COL4A3: variants seen among roughly 807,000 people sequenced by gnomAD.
The protein encoded by COL4A3 is collagen alpha-3(IV) chain.
Under a neutral mutation model 217.4 loss-of-function variants are expected in COL4A3, and 135 were observed. The ratio of observed to expected loss-of-function variants is 0.62; its 90% confidence interval spans 0.54 to 0.72. The LOEUF is 0.72. Among genes scored for constraint, COL4A3 ranks in the 30% least tolerant of loss-of-function variants. The pLI, the probability that COL4A3 is intolerant of heterozygous loss-of-function variation, is 0.00. For synonymous variants in COL4A3, 690 were observed against 736.3 expected, an observed-to-expected ratio of 0.94 and a Z score of 1.02; for missense variants, 1,868 against 2,119.9, an observed-to-expected ratio of 0.88 and a Z score of 2.33.
chr2:227,302,655 G>C (rs77268066), intron 43 of COL4A3, among the ~76,000 whole-genome samples: 6,184 of 113,510 alleles, frequency 0.054, 241 homozygotes, highest in African/African-American at 0.099. Flanking sequence ...CCAGTCTGGA[G>C]GACAAAACGA....
chr2:227,192,747 G>C (rs2066293786), intron 1 of COL4A3, among the ~76,000 whole-genome samples: 1 of 152,202 alleles, frequency 6.6e-6, no homozygotes, highest in Non-Finnish European at 1.5e-5. Flanking sequence ...TGGGGAGTGA[G>C]TGTGAATCAT....
At chr2:227,267,678 C>T (rs2070988222) in intron 23 of COL4A3, among the ~76,000 whole-genome samples, 1 of 151,976 alleles carries the variant, frequency 6.6e-6, no homozygotes, top group Non-Finnish European at 1.5e-5. Flanking sequence ...CATGTCAGGC[C>T]CTGCATTAAT....
Position 227,250,562 on chromosome 2 carries a change from G to C in COL4A3, c.547-578G>C, listed in dbSNP as rs997119756. On this transcript the variant is annotated intron_variant, in intron 9 of 51. Transcript: ENST00000396578. The surrounding 1 kb of genome is among the most constrained non-coding windows in gnomAD (Gnocchi z 4.1). ...CCTTCATAGAGCTTACATTCTCATG[G>C]GGGAAACAAAAGCGTGTAAATGAGT... Among the ~76,000 whole-genome samples, 2 of 151,964 alleles carry C rather than the reference G, an allele frequency of 1.3e-5. No homozygotes were observed. Among genetic ancestry groups the C allele is most frequent in the African/African-American group, 2.4e-5 (1 of 41,374 alleles).
In COL4A3 at chr2:227,254,178, G is replaced by C; in HGVS notation, c.828+4G>C. On this transcript the variant is annotated splice_donor_region_variant and intron_variant, in intron 14 of 51. Transcript: ENST00000396578. ...GCCTGGACCTCCTGGACCCTCAGTA[G>C]GTTATTTAAAGTTATATTGTCCCCA... 2 of 1,613,240 alleles carry C rather than the reference G, an allele frequency of 1.2e-6. No homozygotes were observed. The highest frequency in any genetic ancestry group is 1.7e-6 in the Non-Finnish European group (2 of 1,179,340).
chr2:227,270,658 G>A (rs2071179527), intron 24 of COL4A3, 112 bp from the exon 25 acceptor site: 1 of 1,052,302 alleles, frequency 9.5e-7, no homozygotes, highest in South Asian at 1.4e-5. Flanking sequence ...CAAAGAGTGT[G>A]TTGAAAAAAT....
chr2:227,294,069 T>C (rs2072909084), intron 38 of COL4A3: 1 of 288,042 alleles, frequency 3.5e-6, no homozygotes, highest in Non-Finnish European at 6.7e-6. Flanking sequence ...ATTTCTGGAT[T>C]GAATTTTGGC....
chr2:227,254,154 C>A lies in COL4A3; in HGVS notation c.808C>A (p.Pro270Thr), dbSNP rs1428766417. 9 of 1,613,698 alleles carry A rather than the reference C, an allele frequency of 5.6e-6. No individual in the cohort carries two copies. Among genetic ancestry groups the A allele is most frequent in the African/African-American group, 1.3e-5 (1 of 74,878 alleles). Residue 270 changes from proline to threonine, a missense_variant, in exon 14 of 52, where the codon CCT (proline) becomes ACT (threonine). Physicochemically the swap from Pro to Thr is conservative, Grantham distance 38. Transcript: ENST00000396578. ...EKGDKGAMGE[P>T]GPPGPSGLPG... ...GGGAGACAAGGGAGCAATGGGCGAG[C>A]CTGGACCTCCTGGACCCTCAGTAGG...
At chr2:227,294,333 C>A in intron 38 of COL4A3, 157 bp from the exon 39 acceptor site, 1 of 709,424 alleles carries the variant, frequency 1.4e-6, no homozygotes, top group Non-Finnish European at 2.6e-6. Flanking sequence ...AGGAAAATTG[C>A]AGCCTGGACA....
At chr2:227,265,006 TC>T (rs1355012721) in intron 21 of COL4A3, 2 of 152,230 alleles carry the variant, frequency 1.3e-5, no homozygotes, top group African/African-American at 4.8e-5. Flanking sequence ...TCCAAGGTTA[TC>T]CCAACTGTAG....
In COL4A3 at chr2:227,289,924, A is replaced by C. The variant is rs2106205479; in HGVS notation, c.2981-75A>C. On this transcript the variant is annotated intron_variant, in intron 35 of 51. Coordinates refer to ENST00000396578, the MANE Select transcript of COL4A3 (RefSeq NM_000091.5). ...CTGTTCTGCATTCATTCATGCATGC[A>C]AGCAACAAGTATTTATTAAACACAT... The C allele has an allele frequency of 4.9e-6, 7 of 1,435,552 alleles. No homozygotes were observed. The African/African-American group carries it at 5.6e-5, about 11-fold the overall frequency. The allele number at this position is 1,435,552 out of a possible 1,614,324, so 88.9% of individuals were successfully genotyped here.
chr2:227,203,089 ATG>A lies in COL4A3; in HGVS notation c.88-34875_88-34874del, dbSNP rs2066849627. On this transcript the variant is annotated intron_variant, in intron 1 of 51. Coordinates refer to ENST00000396578, the MANE Select transcript of COL4A3 (RefSeq NM_000091.5). ...CATATATGTGTATATATGTGTATATATGTGTATATATACATATATGTGTATAT... is the reference window on the plus strand; with the variant it reads ...CATATATGTGTATATATGTGTATATATGTATATATACATATATGTGTATAT... Among the ~76,000 whole-genome samples the A allele has an allele frequency of 3.3e-5, 2 of 60,362 alleles. 1 individual carries two copies. Among genetic ancestry groups the A allele is most frequent in the Non-Finnish European group, 6.2e-5 (2 of 32,060 alleles). 39.6% of individuals were successfully genotyped at this position (60,362 alleles called of 152,430 possible). A position where few individuals can be genotyped will look rare whatever the true frequency, so the allele number is the denominator to read the frequency against.
chr2:227,191,305 C>A lies in COL4A3; in HGVS notation c.87+26492C>A, dbSNP rs959515734. On this transcript the variant is annotated intron_variant, in intron 1 of 51. Transcript: ENST00000396578. This position sits in a 1 kb window ranked among gnomAD's most constrained non-coding sequence, Gnocchi z 6.8. ...ATGGATTTTTTTTTTGTAAAGGACG[C>A]AAAAGTTTAAGACTGTTGGCATATA... Among the ~76,000 whole-genome samples, 12 of 151,826 alleles carry A rather than the reference C, an allele frequency of 7.9e-5. No homozygotes were observed. Among genetic ancestry groups the A allele is most frequent in the African/African-American group, 2.9e-4 (12 of 41,404 alleles).
chr2:227,181,533 G>T (rs898834134), intron 1 of COL4A3, among the ~76,000 whole-genome samples: 2 of 152,064 alleles, frequency 1.3e-5, no homozygotes, highest in African/African-American at 4.8e-5. Context: ...GAGATATATA[G>T]ATAAAAGTAA....
In COL4A3 at chr2:227,195,667, A is replaced by ATGTGTGTGTGTGTGTG. The variant is rs34242264; in HGVS notation, c.87+30868_87+30883dup. On this transcript the variant is annotated intron_variant, in intron 1 of 51. Coordinates refer to ENST00000396578, the MANE Select transcript of COL4A3 (RefSeq NM_000091.5). Reference sequence around the variant, plus strand: ...GAGTCTATGCCACATATATATATATATGTGTGTGTGTGTGTGTGTGTGTGT... The same window carrying ATGTGTGTGTGTGTGTG: ...GAGTCTATGCCACATATATATATATATGTGTGTGTGTGTGTGTGTGTGTGTGTGTGTGTGTGTGTGT... Among the ~76,000 whole-genome samples the ATGTGTGTGTGTGTGTG allele has an allele frequency of 1.3e-3, 175 of 139,982 alleles. 1 individual carries two copies. Among genetic ancestry groups the ATGTGTGTGTGTGTGTG allele is most frequent in the African/African-American group, 4.3e-3 (157 of 36,876 alleles). The allele number at this position is 139,982 out of a possible 152,430, so 91.8% of individuals were successfully genotyped here.
intron 20 of COL4A3, 51 bp from the exon 21 acceptor site, chr2:227,263,729 G>T (rs547169707): frequency 2.7e-5 from 41 of 1,533,850 alleles, no homozygotes; most frequent in Non-Finnish European, 3.6e-5. Flanking sequence ...AAATAAATTC[G>T]TATTAATCAG....
chr2:227,304,125 A>C lies in COL4A3; in HGVS notation c.4134A>C (p.Pro1378=). The change falls in exon 46 of 52, where the codon CCA becomes CCC. Residue 1378 remains proline, a synonymous_variant. Coordinates refer to ENST00000396578, the MANE Select transcript of COL4A3 (RefSeq NM_000091.5). ...EPGMQGEPGP[P]GPPGNLGPCG... is the part of the protein sequence containing the mutation. ...GGATGCAGGGAGAACCTGGGCCACC[A>C]GGGCCACCTGGAAACCTAGGTGTGG... 3 of 1,614,130 alleles carry C rather than the reference A, an allele frequency of 1.9e-6. No homozygotes were observed. The highest frequency in any genetic ancestry group is 2.5e-6 in the Non-Finnish European group (3 of 1,179,994).
At chr2:227,256,245 C>T (rs2070163652) in intron 16 of COL4A3, 98 bp from the exon 17 acceptor site, 1 of 1,202,306 alleles carries the variant, frequency 8.3e-7, no homozygotes, top group South Asian at 1.2e-5. Flanking sequence ...CATCTGAGCA[C>T]ATTCTTTTGT....
chr2:227,226,672 G>T (rs968743713), intron 1 of COL4A3, among the ~76,000 whole-genome samples: 55 of 152,220 alleles, frequency 3.6e-4, no homozygotes, highest in Non-Finnish European at 1.0e-4. Context: ...GTTTCCCCCA[G>T]TTGGCCAGGC....
At chr2:227,246,120 C>A in intron 6 of COL4A3, 104 bp downstream of exon 6, 1 of 897,070 alleles carries the variant, frequency 1.1e-6, no homozygotes, top group Non-Finnish European at 1.8e-6. Flanking sequence ...TGAAAACATT[C>A]CTTTAGGCCA....
Sources: gnomAD v4.1 joint callset for allele counts (sites outside exome capture counted in the v4.1 genomes callset) on GRCh38, gnomAD v4.1.1 for gene constraint, Gnocchi (gnomAD v3.1) non-coding constraint, MANE v1.5 for transcripts, NCBI Gene and HGNC (gene_info 2026-07-23, HGNC 2026-07-21) for gene names.